KLHL1: variants seen among roughly 807,000 people sequenced by gnomAD.
KLHL1 encodes the protein kelch like family member 1.
Under a neutral mutation model 77.7 loss-of-function variants are expected in KLHL1, and 47 were observed. That is an observed-to-expected ratio of 0.60 (90% CI 0.48 to 0.77). The LOEUF is 0.77. Ranked by LOEUF, KLHL1 falls within the 30% of genes least tolerant of loss-of-function variation. The pLI, the probability that KLHL1 is intolerant of heterozygous loss-of-function variation, is 0.00. For missense variants in KLHL1, 925 were observed against 910.8 expected, an observed-to-expected ratio of 1.02 and a Z score of -0.20; for synonymous variants, 360 against 325.2, an observed-to-expected ratio of 1.11 and a Z score of -1.15.
rs1314526697 is a variant in KLHL1, at chr13:70,024,624, C to CTCTCTCTCTCTCTTTCTCTCTT, written c.498-48823_498-48822insAAGAGAGAAAGAGAGAGAGAGA. ...TTAGGGGTGAGGAGAAAAGATTTCT[C>CTCTCTCTCTCTCTTTCTCTCTT]TCTCTCTCTCTCTCTCTCTCTCTCT... On this transcript the variant is annotated intron_variant, in intron 1 of 10. Transcript: ENST00000377844. Among the ~76,000 whole-genome samples the CTCTCTCTCTCTCTTTCTCTCTT allele has an allele frequency of 2.0e-3, 102 of 49,914 alleles. 5 individuals are homozygous for CTCTCTCTCTCTCTTTCTCTCTT. The highest frequency in any genetic ancestry group is 0.022 in the Middle Eastern group (2 of 90). The allele number at this position is 49,914 out of a possible 152,430, so 32.7% of individuals were successfully genotyped here.
chr13:69,780,518 C>T (rs1041414632), intron 7 of KLHL1, among the ~76,000 whole-genome samples: 1 of 151,016 alleles, frequency 6.6e-6, no homozygotes, highest in African/African-American at 2.4e-5. Context: ...AGCTGACAGC[C>T]TAAAATTTGA....
intron 7 of KLHL1, among the ~76,000 whole-genome samples, chr13:69,787,561 A>G (rs1038797512): frequency 1.3e-5 from 2 of 152,232 alleles, no homozygotes; most frequent in Non-Finnish European, 2.9e-5. Flanking sequence ...AAAACCCTAG[A>G]AGGAAACCTA....
At chr13:69,751,215 A>G (rs1045923473) in intron 7 of KLHL1, among the ~76,000 whole-genome samples, 8 of 151,594 alleles carry the variant, frequency 5.3e-5, no homozygotes, top group Non-Finnish European at 7.4e-5. Context: ...TGTCAGGTAA[A>G]GTTTAGCAGT....
chr13:70,048,601 G>C (rs751169891), intron 1 of KLHL1, among the ~76,000 whole-genome samples: 1 of 152,188 alleles, frequency 6.6e-6, no homozygotes, highest in Non-Finnish European at 1.5e-5. Context: ...AGCGGGGGCG[G>C]TTTCATCAGG....
intron 1 of KLHL1, among the ~76,000 whole-genome samples, chr13:70,048,921 A>G (rs1184158962): frequency 6.6e-6 from 1 of 152,222 alleles, no homozygotes; most frequent in East Asian, 1.9e-4. Flanking sequence ...GAAGTCAGGT[A>G]TAATATTAGG....
chr13:69,733,273 A>T (rs1347265378), intron 8 of KLHL1, among the ~76,000 whole-genome samples: 1 of 152,094 alleles, frequency 6.6e-6, no homozygotes, highest in Non-Finnish European at 1.5e-5. Context: ...CCACTCCCCC[A>T]AAAAGATAGA....
chr13:69,812,765 A>G (rs1196991545), intron 6 of KLHL1, among the ~76,000 whole-genome samples: 3 of 151,226 alleles, frequency 2.0e-5, no homozygotes, highest in African/African-American at 7.3e-5. Flanking sequence ...CAAAACCACA[A>G]TGAGATACCA....
intron 6 of KLHL1, among the ~76,000 whole-genome samples, chr13:69,829,418 G>A (rs1878672861): frequency 6.7e-6 from 1 of 150,150 alleles, no homozygotes; most frequent in Admixed American, 6.6e-5. Flanking sequence ...GAATCACTGT[G>A]CAGGACAAAA....
At chr13:69,885,087 CCCGCCACCACGCCCGG>C (rs1237094750) in intron 4 of KLHL1, among the ~76,000 whole-genome samples, 6 of 141,712 alleles carry the variant, frequency 4.2e-5, no homozygotes, top group African/African-American at 1.4e-4. Context: ...ACTACAGGCG[CCCGCCACCACGCCCGG>C]CTAATTTTTT....
At chr13:69,784,774 A>G (rs1021077932) in intron 7 of KLHL1, among the ~76,000 whole-genome samples, 1 of 151,788 alleles carries the variant, frequency 6.6e-6, no homozygotes, top group Non-Finnish European at 1.5e-5. Flanking sequence ...TAGACAGATC[A>G]ACGAGACAGA....
At chr13:69,733,735 C>T (rs1873650665) in intron 8 of KLHL1, among the ~76,000 whole-genome samples, 1 of 152,118 alleles carries the variant, frequency 6.6e-6, no homozygotes, top group Non-Finnish European at 1.5e-5. Context: ...ATTTAAAAAT[C>T]TGTTAGTGTG....
intron 4 of KLHL1, among the ~76,000 whole-genome samples, chr13:69,907,611 A>T (rs1882086379): frequency 6.6e-6 from 1 of 152,028 alleles, no homozygotes; most frequent in Admixed American, 6.6e-5. Context: ...GGTAATACAA[A>T]CTGTATTCTG....
intron 4 of KLHL1, among the ~76,000 whole-genome samples, chr13:69,914,884 T>A (rs983324826): frequency 3.3e-5 from 5 of 152,154 alleles, no homozygotes; most frequent in Non-Finnish European, 5.9e-5. Context: ...ATGTTCTACA[T>A]TAAAATTAGG....
chr13:69,981,687 C>T (rs930897806), intron 1 of KLHL1, among the ~76,000 whole-genome samples: 2 of 151,428 alleles, frequency 1.3e-5, no homozygotes, highest in Non-Finnish European at 2.9e-5. Context: ...TTGTTATTTT[C>T]TACCTTTTAA....
intron 7 of KLHL1, among the ~76,000 whole-genome samples, chr13:69,751,847 C>T (rs1874499435): frequency 6.6e-6 from 1 of 152,040 alleles, no homozygotes; most frequent in African/African-American, 2.4e-5. Flanking sequence ...TAGTGTCTTG[C>T]TTGTCCTGAT....
chr13:69,712,145 C>T (rs1440660998), intron 9 of KLHL1, among the ~76,000 whole-genome samples: 1 of 151,902 alleles, frequency 6.6e-6, no homozygotes. Context: ...AATAGTTTCC[C>T]CACTCTCCAA....
At chr13:69,757,117 C>T (rs866974648) in intron 7 of KLHL1, among the ~76,000 whole-genome samples, 1 of 152,090 alleles carries the variant, frequency 6.6e-6, no homozygotes, top group Non-Finnish European at 1.5e-5. Flanking sequence ...GCGATATGAT[C>T]CTAAATCTTT....
intron 7 of KLHL1, among the ~76,000 whole-genome samples, chr13:69,776,123 T>C (rs984006421): frequency 2.6e-5 from 4 of 151,454 alleles, no homozygotes; most frequent in African/African-American, 9.7e-5. Context: ...ACCACTGCAC[T>C]CCAGCCTGGG....
intron 5 of KLHL1, among the ~76,000 whole-genome samples, chr13:69,879,209 A>T (rs540061188): frequency 4.6e-5 from 7 of 152,194 alleles, no homozygotes; most frequent in African/African-American, 1.4e-4. Context: ...TATAATAAAA[A>T]ATATATATAT....
Sources: allele counts gnomAD v4.1 joint callset (sites outside exome capture counted in the v4.1 genomes callset), GRCh38; gene constraint gnomAD v4.1.1; transcripts MANE v1.5; gene names NCBI Gene and HGNC (gene_info 2026-07-23, HGNC 2026-07-21).